Variants in ATP2B2 observed in about 807,000 individuals in gnomAD.
The protein encoded by ATP2B2 is ATPase plasma membrane Ca2+ transporting 2, also known as plasma membrane calcium-transporting ATPase 2.
Under a neutral mutation model 120.0 loss-of-function variants are expected in ATP2B2, and 15 were observed. That is an observed-to-expected ratio of 0.12 (90% CI 0.08 to 0.19). The LOEUF (loss-of-function observed/expected upper bound fraction) is 0.19, where lower values mean the gene tolerates loss of function less well. Ranked by LOEUF, ATP2B2 falls within the 10% of genes least tolerant of loss-of-function variation. The pLI, the probability that ATP2B2 is intolerant of heterozygous loss-of-function variation, is 1.00. For synonymous variants in ATP2B2, 694 were observed against 700.3 expected (o/e 0.99, Z 0.14); for missense variants, 1,045 against 1,719.8 (o/e 0.61, Z 6.94).
intron 21 of ATP2B2, 54 bp from the exon 22 acceptor site, chr3:10,338,412 C>T: frequency 2.5e-6 from 4 of 1,598,852 alleles, no homozygotes; most frequent in Non-Finnish European, 1.7e-6. Flanking sequence ...CAGTGGCCTT[C>T]TCTCCCTGAC....
chr3:10,373,329 G>A (rs1041393942), intron 11 of ATP2B2, among the ~76,000 whole-genome samples: 1 of 152,172 alleles, frequency 6.6e-6, no homozygotes, highest in Admixed American at 6.6e-5. Context: ...ACCTACCTCC[G>A]TTTAACCTCA....
chr3:10,435,253 G>A (rs182413875), intron 2 of ATP2B2, among the ~76,000 whole-genome samples: 7 of 152,246 alleles, frequency 4.6e-5, no homozygotes, highest in Admixed American at 3.3e-4. Context: ...CTTTCCCTCC[G>A]GCTCCCATCC....
chr3:10,453,791 G>A (rs906841465), intron 1 of ATP2B2, among the ~76,000 whole-genome samples: 3 of 152,154 alleles, frequency 2.0e-5, no homozygotes, highest in Non-Finnish European at 2.9e-5. Context: ...GTGGGCTACT[G>A]TTGATTTTAA....
At chr3:10,374,358 G>C (rs2061325962) in intron 11 of ATP2B2, among the ~76,000 whole-genome samples, 2 of 152,188 alleles carry the variant, frequency 1.3e-5, no homozygotes, top group African/African-American at 2.4e-5. Flanking sequence ...GACGATAAGG[G>C]CCGTATTTGT....
rs182483085 is a variant in ATP2B2, at chr3:10,647,307, G to A, written c.-459-27346C>T. On this transcript the variant is annotated intron_variant, in intron 1 of 21. Coordinates refer to the ATP2B2 transcript ENST00000646379. The stretch of plus-strand genomic sequence containing the variant: ...ACAGGAAGTCAAGTGGTGGATGTGA[G>A]GCAGGGAAGGCAGAGTGGGGTGGAT... 2.2e-3 allele frequency among the ~76,000 whole-genome samples: 331 copies of A among 152,288 alleles called. 2 individuals carry two copies. Among genetic ancestry groups the A allele is most frequent in the South Asian group, 3.5e-3 (17 of 4,824 alleles).
intron 3 of ATP2B2, among the ~76,000 whole-genome samples, chr3:10,510,917 C>T (rs1025605909): frequency 3.3e-5 from 5 of 152,144 alleles, no homozygotes; most frequent in Non-Finnish European, 7.4e-5. Flanking sequence ...CCCCTGCCAT[C>T]CCCTGGCCAT....
rs2059857097 is a variant in ATP2B2 at position 10,326,287 on chromosome 3, G to A, written c.*2527C>T. ...TGTGTGTGTGTGTATGTGTGCAAGT[G>A]TGAGAGTGAGGGGGTGCATGTGTGC... On this transcript the variant is annotated 3_prime_UTR_variant, in exon 23 of 23. Transcript: ENST00000360273. 1 of 156,794 alleles carries A rather than the reference G, an allele frequency of 6.4e-6. No homozygotes were observed. The allele number at this position is 156,794 out of a possible 1,614,324, so 9.7% of individuals were successfully genotyped here.
intron 15 of ATP2B2, 98 bp from the exon 16 acceptor site, chr3:10,350,297 A>G (rs2060542865): frequency 6.3e-7 from 1 of 1,588,870 alleles, no homozygotes; most frequent in South Asian, 1.1e-5. Flanking sequence ...CTGGGCTCTT[A>G]GCAGCACACT....
chr3:10,587,750 TG>T lies in ATP2B2; in HGVS notation c.-415+32166del, dbSNP rs1279919669. ...AGAAAGCAAGTGTTTCTGGTTTTTT[TG>T]TTTGTTTGTTTGTTTGTTTGTTTGT... On this transcript the variant is annotated intron_variant, in intron 2 of 21. Coordinates refer to the ATP2B2 transcript ENST00000646379. Among the ~76,000 whole-genome samples, 47 of 27,398 alleles carry T rather than the reference TG, an allele frequency of 1.7e-3. No individual in the cohort carries two copies. In the South Asian group the frequency reaches 0.025, roughly 15 times the overall value. The allele number at this position is 27,398 out of a possible 152,430, so 18.0% of individuals were successfully genotyped here.
At chr3:10,616,687 C>CAA (rs1292976543) in intron 2 of ATP2B2, among the ~76,000 whole-genome samples, 2 of 151,952 alleles carry the variant, frequency 1.3e-5, no homozygotes, top group Non-Finnish European at 2.9e-5. Flanking sequence ...AAAATGCACA[C>CAA]ACACACACAC....
At chr3:10,482,863 C>G (rs1182225937) in intron 1 of ATP2B2, among the ~76,000 whole-genome samples, 1 of 152,256 alleles carries the variant, frequency 6.6e-6, no homozygotes, top group Non-Finnish European at 1.5e-5. Flanking sequence ...GTTGAACATG[C>G]CTGTGCATGA....
rs151101498 is a variant in ATP2B2 at position 10,395,388 on chromosome 3, G to A, written c.781+5565C>T. On this transcript the variant is annotated intron_variant, in intron 5 of 22. Transcript: ENST00000360273. ...GGATGGCACAGCAGGTAACAGTACC[G>A]AATCAATGTCAAGTTTCCTGAATTG... 8.5e-5 allele frequency among the ~76,000 whole-genome samples: 13 copies of A among 152,298 alleles called. No homozygotes were observed. In the South Asian group the frequency reaches 2.3e-3, roughly 27 times the overall value.
chr3:10,649,850 T>A (rs1174589302), intron 1 of ATP2B2, among the ~76,000 whole-genome samples: 1 of 152,232 alleles, frequency 6.6e-6, no homozygotes, highest in Admixed American at 6.5e-5. Context: ...GCACAAGCTC[T>A]CTTCTCCTGT....
intron 2 of ATP2B2, among the ~76,000 whole-genome samples, chr3:10,441,585 C>T (rs1285746618): frequency 6.6e-6 from 1 of 152,194 alleles, no homozygotes; most frequent in Non-Finnish European, 1.5e-5. Flanking sequence ...GAAGGGATAT[C>T]CTTGAAGGCC....
chr3:10,706,015 G>T (rs1044394305), intron 1 of ATP2B2, among the ~76,000 whole-genome samples: 1 of 152,208 alleles, frequency 6.6e-6, no homozygotes, highest in Non-Finnish European at 1.5e-5. Flanking sequence ...CACATATTAG[G>T]TTCTTAATAC....
intron 2 of ATP2B2, among the ~76,000 whole-genome samples, chr3:10,603,769 T>G (rs1157741661): frequency 6.6e-6 from 1 of 152,046 alleles, no homozygotes; most frequent in African/African-American, 2.4e-5. Context: ...TGGCATTACA[T>G]ATCAATCCAC....
intron 1 of ATP2B2, among the ~76,000 whole-genome samples, chr3:10,672,567 C>A (rs1443548204): frequency 2.0e-5 from 3 of 152,204 alleles, no homozygotes; most frequent in African/African-American, 7.2e-5. Flanking sequence ...ATTACGCATG[C>A]CATTCCCATC....
At chr3:10,601,855 A>G (rs529492255) in intron 2 of ATP2B2, among the ~76,000 whole-genome samples, 1 of 152,284 alleles carries the variant, frequency 6.6e-6, no homozygotes, top group African/African-American at 2.4e-5. Flanking sequence ...GCCATCCCCC[A>G]AGTCCCTTCC....
rs147187099 is a variant in ATP2B2, at chr3:10,511,896, T to C, written c.-320+22143A>G. On this transcript the variant is annotated intron_variant, in intron 3 of 21. Coordinates refer to the ATP2B2 transcript ENST00000646379. ...ATTGACGTGTGTGTGTTTTCACTCT[T>C]GCTGAAAGGCTGCCTCCCTGAAGAA... Among the ~76,000 whole-genome samples the C allele has an allele frequency of 2.4e-3, 370 of 152,298 alleles. 2 individuals carry two copies. The highest frequency in any genetic ancestry group is 8.6e-3 in the African/African-American group (356 of 41,552).
Sources: gnomAD v4.1 joint callset for allele counts (sites outside exome capture counted in the v4.1 genomes callset) on GRCh38, gnomAD v4.1.1 for gene constraint, MANE v1.5 for transcripts, NCBI Gene and HGNC (gene_info 2026-07-23, HGNC 2026-07-21) for gene names.